Variants in SLC71A2 observed in about 807,000 individuals in gnomAD.
SLC71A2 encodes the protein solute carrier family 71 member 2.
chr9:94,440,186 C>G, the SLC71A2 span, among the ~76,000 whole-genome samples: 4 of 151,656 alleles, frequency 2.6e-5, no homozygotes, highest in Non-Finnish European at 4.4e-5. Flanking sequence ...CGGAGTCTCT[C>G]TCTGTCGCCC....
chr9:94,441,442 C>CT, the SLC71A2 span, among the ~76,000 whole-genome samples: 1 of 152,168 alleles, frequency 6.6e-6, no homozygotes, highest in African/African-American at 2.4e-5. Context: ...CAAGAACTCA[C>CT]TTACTATTAA....
At chr9:94,410,417 C>A in the SLC71A2 span, among the ~76,000 whole-genome samples, 1 of 151,940 alleles carries the variant, frequency 6.6e-6, no homozygotes, top group East Asian at 1.9e-4. Context: ...TTTTTCCCCC[C>A]CTAAGAGATG....
the SLC71A2 span, among the ~76,000 whole-genome samples, chr9:94,439,230 G>A: frequency 6.6e-6 from 1 of 151,748 alleles, no homozygotes; most frequent in African/African-American, 2.4e-5. Flanking sequence ...GGCTTCCCTT[G>A]AACTGACTCC....
chr9:94,441,669 A>G, the SLC71A2 span, among the ~76,000 whole-genome samples: 1 of 152,242 alleles, frequency 6.6e-6, no homozygotes, highest in African/African-American at 2.4e-5. Context: ...AGAGGTGCTG[A>G]ACCTCAGCAA....
At chr9:94,402,250 A>G in the SLC71A2 span, among the ~76,000 whole-genome samples, 1 of 152,198 alleles carries the variant, frequency 6.6e-6, no homozygotes, top group African/African-American at 2.4e-5. Context: ...GCTCTGGTTC[A>G]CACGCCTCTG....
At chr9:94,440,776 T>C in the SLC71A2 span, among the ~76,000 whole-genome samples, 1 of 152,188 alleles carries the variant, frequency 6.6e-6, no homozygotes, top group Non-Finnish European at 1.5e-5. Flanking sequence ...AGGGGGCATG[T>C]ACTGACCCCC....
chr9:94,439,140 G>T, the SLC71A2 span, among the ~76,000 whole-genome samples: 1 of 147,722 alleles, frequency 6.8e-6, no homozygotes, highest in Non-Finnish European at 1.5e-5. Flanking sequence ...TCCTGCCTCA[G>T]CCTCCTGAGT....
the SLC71A2 span, among the ~76,000 whole-genome samples, chr9:94,442,521 A>T: frequency 6.6e-6 from 1 of 152,120 alleles, no homozygotes; most frequent in Non-Finnish European, 1.5e-5. Context: ...GAAAGCTTCG[A>T]AGAAGACAAG....
chr9:94,450,191 T>C, the SLC71A2 span, among the ~76,000 whole-genome samples: 1 of 152,210 alleles, frequency 6.6e-6, no homozygotes, highest in Admixed American at 6.5e-5. Context: ...AATGGGTGAA[T>C]TGTATGGTAT....
At chr9:94,437,488 T>G in the SLC71A2 span, among the ~76,000 whole-genome samples, 2 of 152,238 alleles carry the variant, frequency 1.3e-5, no homozygotes, top group African/African-American at 4.8e-5. Flanking sequence ...TGTCAGACTC[T>G]CTTCCCCTTA....
chr9:94,407,845 T>C, the SLC71A2 span, among the ~76,000 whole-genome samples: 16 of 152,170 alleles, frequency 1.1e-4, no homozygotes, highest in Non-Finnish European at 1.6e-4. Context: ...ATTCATAAGT[T>C]TTAAGTTACA....
At chr9:94,426,673 A>C in the SLC71A2 span, among the ~76,000 whole-genome samples, 2 of 152,140 alleles carry the variant, frequency 1.3e-5, no homozygotes, top group African/African-American at 4.8e-5. Flanking sequence ...CATTTCTTAA[A>C]ACTTTATAGT....
the SLC71A2 span, among the ~76,000 whole-genome samples, chr9:94,404,511 G>A: frequency 6.6e-6 from 1 of 152,132 alleles, no homozygotes; most frequent in Admixed American, 6.6e-5. Flanking sequence ...GGCCAGGGTG[G>A]TTTCAAATTC....
At chr9:94,455,156 C>CTTCTTTTTTTTTTTTT in the SLC71A2 span, among the ~76,000 whole-genome samples, 1 of 27,686 alleles carries the variant, frequency 3.6e-5, no homozygotes, top group Non-Finnish European at 5.7e-5. Flanking sequence ...TTGCTCTTTC[C>CTTCTTTTTTTTTTTTT]TTTTTTTTTT....
chr9:94,456,165 C>T, the SLC71A2 span: 1 of 949,094 alleles, frequency 1.1e-6, no homozygotes, highest in East Asian at 2.5e-5. Flanking sequence ...TGTACTTTTG[C>T]CACTGATTGC....
At chr9:94,381,040 C>CT in the SLC71A2 span, among the ~76,000 whole-genome samples, 8,505 of 68,720 alleles carry the variant, frequency 0.12, 618 homozygotes, top group East Asian at 0.34. Context: ...TTTCTTCCCC[C>CT]TTTTTTTTTT....
the SLC71A2 span, among the ~76,000 whole-genome samples, chr9:94,387,759 C>T: frequency 6.6e-6 from 1 of 152,158 alleles, no homozygotes; most frequent in Admixed American, 6.5e-5. Context: ...GTTGTCTGAG[C>T]ATTGTTTTTT....
chr9:94,386,197 AT>A, the SLC71A2 span, among the ~76,000 whole-genome samples: 130 of 149,632 alleles, frequency 8.7e-4, no homozygotes, highest in Non-Finnish European at 1.3e-3. Flanking sequence ...ATTTTTAGGT[AT>A]TTTTTTTTCT....
chr9:94,407,352 G>A, the SLC71A2 span, among the ~76,000 whole-genome samples: 1 of 151,352 alleles, frequency 6.6e-6, no homozygotes, highest in East Asian at 1.9e-4. Flanking sequence ...TTGCATCAAT[G>A]TGCATAAGGA....
Sources: gnomAD v4.1 joint callset for allele counts (sites outside exome capture counted in the v4.1 genomes callset) on GRCh38, gnomAD v4.1.1 for gene constraint, MANE v1.5 for transcripts, NCBI Gene and HGNC (gene_info 2026-07-23, HGNC 2026-07-21) for gene names.